The following EFCAB3 variants were observed in gnomAD, a reference collection of about 807,000 sequenced individuals.
EFCAB3 encodes EF-hand calcium-binding domain-containing protein 3.
In EFCAB3, 36 loss-of-function variants were observed where a neutral mutation model predicts 42.2. The ratio of observed to expected loss-of-function variants is 0.85; its 90% CI spans 0.65 to 1.13. The LOEUF is 1.13. Ranked by LOEUF, EFCAB3 falls within the 50% of genes most tolerant of loss-of-function variation. The probability of loss-of-function intolerance (pLI) is 0.00; values close to 1 mark genes in which losing one functional copy is unlikely to be tolerated. For missense variants in EFCAB3, 418 were observed against 505.1 expected (o/e 0.83, Z 1.65); for synonymous variants, 170 against 172.8 (o/e 0.98, Z 0.13).
intron 8 of EFCAB3, among the ~76,000 whole-genome samples, chr17:62,413,420 T>C (rs1447602352): frequency 6.6e-6 from 1 of 152,216 alleles, no homozygotes; most frequent in Non-Finnish European, 1.5e-5. Context: ...CAGATACGTT[T>C]GTAAATTGGT....
intron 8 of EFCAB3, among the ~76,000 whole-genome samples, chr17:62,410,536 T>C (rs539887814): frequency 1.3e-5 from 2 of 152,112 alleles, no homozygotes; most frequent in South Asian, 4.2e-4. Flanking sequence ...GGTGGATTGC[T>C]TGAGCCGAGG....
At chr17:62,412,765 CAAAAA>C (rs4058736) in intron 8 of EFCAB3, among the ~76,000 whole-genome samples, 1 of 140,426 alleles carries the variant, frequency 7.1e-6, no homozygotes, top group East Asian at 2.0e-4. Flanking sequence ...GACTCTGTCT[CAAAAA>C]AAAAAAAGTC....
At position 62,387,370 on chromosome 17, in the gene EFCAB3, C is replaced by T. The variant is rs750944985; in HGVS notation, c.105C>T (p.Cys35=). ...GAGACTTACCAGGATCTCTTCAATG[C>T]CAATTACAACACAAAGAAAAGAAGC... ...RDRDLPGSLQ[C]QLQHKEKKLS... Residue 35 remains cysteine, a synonymous_variant, in exon 3 of 10, where the codon TGC becomes TGT. Transcript: ENST00000305286. 1.2e-6 allele frequency: 2 copies of T among 1,611,318 alleles called. No individual in the cohort carries two copies. The highest frequency in any genetic ancestry group is 4.5e-5 in the East Asian group (2 of 44,756).
intron 3 of EFCAB3, 97 bp from the exon 4 acceptor site, chr17:62,391,725 A>T: frequency 8.0e-7 from 1 of 1,252,748 alleles, no homozygotes; most frequent in Non-Finnish European, 1.1e-6. Flanking sequence ...TTTTTAGAAC[A>T]TGATCTCCAG....
chr17:62,372,252 T>C (rs1449710067), intron 1 of EFCAB3, among the ~76,000 whole-genome samples: 2 of 152,140 alleles, frequency 1.3e-5, no homozygotes, highest in Non-Finnish European at 2.9e-5. Flanking sequence ...TTCTTCCTCT[T>C]CTCTCTTCAG....
At position 62,391,842 on chromosome 17, in the gene EFCAB3, T is replaced by C; in HGVS notation, c.172T>C (p.Phe58Leu). Reference protein sequence around the residue: ...QMAAFQDAYNFFYKDKTGCID... With the variant: ...QMAAFQDAYNLFYKDKTGCID... ...CCCAGCTTTCCAAGATGCCTACAAC[T>C]TCTTCTACAAGGACAAAACTGGCTG... The change falls in exon 4 of 10, where the codon TTC becomes CTC. Residue 58 changes from phenylalanine (F) to leucine (L), a missense_variant. By Grantham distance (22) the Phe-to-Leu change is conservative. Coordinates refer to ENST00000305286, the MANE Select transcript of EFCAB3 (RefSeq NM_173503.4). 1 of 1,613,488 alleles carries C rather than the reference T, an allele frequency of 6.2e-7. No individual in the cohort carries two copies. Among genetic ancestry groups the C allele is most frequent in the Non-Finnish European group, 8.5e-7 (1 of 1,179,616 alleles).
chr17:62,414,986 C>A (rs2070532814), intron 9 of EFCAB3, among the ~76,000 whole-genome samples: 1 of 152,020 alleles, frequency 6.6e-6, no homozygotes, highest in African/African-American at 2.4e-5. Flanking sequence ...CGCCTGTAAT[C>A]CCAGCTACTC....
At chr17:62,413,533 A>G (rs2070517686) in intron 8 of EFCAB3, among the ~76,000 whole-genome samples, 199 bp from the exon 9 acceptor site, 1 of 152,172 alleles carries the variant, frequency 6.6e-6, no homozygotes, top group African/African-American at 2.4e-5. Context: ...GGATATACAG[A>G]TATTTTTGCA....
chr17:62,385,370 C>T (rs1040827671), intron 2 of EFCAB3, among the ~76,000 whole-genome samples: 11 of 152,030 alleles, frequency 7.2e-5, no homozygotes, highest in South Asian at 2.1e-4. Flanking sequence ...TGAGCCTGGG[C>T]GGTCAAGGCT....
chr17:62,412,765 C>CAAA (rs4058736), intron 8 of EFCAB3, among the ~76,000 whole-genome samples: 2,805 of 140,446 alleles, frequency 0.02, 80 homozygotes, highest in African/African-American at 0.068. Context: ...GACTCTGTCT[C>CAAA]AAAAAAAAAA....
At chr17:62,409,136 C>A (rs768745211) in intron 8 of EFCAB3, among the ~76,000 whole-genome samples, 1 of 152,198 alleles carries the variant, frequency 6.6e-6, no homozygotes, top group African/African-American at 2.4e-5. Flanking sequence ...TGGCTCACTA[C>A]AACCTCCACT....
chr17:62,374,839 A>T (rs2070138400), intron 2 of EFCAB3, among the ~76,000 whole-genome samples: 1 of 152,190 alleles, frequency 6.6e-6, no homozygotes, highest in Admixed American at 6.5e-5. Context: ...GTTGCAGGGC[A>T]TGGTGGCTCA....
intron 2 of EFCAB3, among the ~76,000 whole-genome samples, chr17:62,386,458 TAAAAGTTGTAAAAAAAA>T (rs1365791898): frequency 3.4e-5 from 5 of 148,288 alleles, no homozygotes; most frequent in African/African-American, 7.9e-5. Flanking sequence ...AAAATAGTTG[TAAAAGTTGTAAAAAAAA>T]AAAAGTTGTA....
At chr17:62,378,707 A>T (rs187511125), upstream of EFCAB3, among the ~76,000 whole-genome samples, 596 of 150,364 alleles carry the variant, frequency 4.0e-3, 1 homozygote, top group Middle Eastern at 0.014. Context: ...TCTCTTTTTT[A>T]AAAAAAATGA....
chr17:62,371,942 G>A (rs1199359431), intron 1 of EFCAB3, among the ~76,000 whole-genome samples: 1 of 152,202 alleles, frequency 6.6e-6, no homozygotes, highest in Non-Finnish European at 1.5e-5. Context: ...TGTTGTCAGA[G>A]AGTTTCCATT....
intron 1 of EFCAB3, among the ~76,000 whole-genome samples, chr17:62,382,700 A>G (rs72845560): frequency 3.0e-3 from 451 of 152,294 alleles, no homozygotes; most frequent in Admixed American, 6.1e-3. Context: ...TTCACTTAGC[A>G]TTTATTCTTA....
intron 6 of EFCAB3, among the ~76,000 whole-genome samples, chr17:62,406,019 G>C (rs2070444233): frequency 6.8e-6 from 1 of 148,104 alleles, no homozygotes; most frequent in Non-Finnish European, 1.5e-5. Flanking sequence ...ATTCAAGCTG[G>C]TACCACTTAA....
intron 1 of EFCAB3, among the ~76,000 whole-genome samples, chr17:62,373,118 A>G (rs1462416713): frequency 6.6e-6 from 1 of 151,402 alleles, no homozygotes; most frequent in East Asian, 2.0e-4. Flanking sequence ...CCATCTCACT[A>G]AAAATAAAAA....
intron 8 of EFCAB3, among the ~76,000 whole-genome samples, chr17:62,409,848 A>G (rs1339981926): frequency 2.0e-5 from 3 of 152,082 alleles, no homozygotes; most frequent in Non-Finnish European, 4.4e-5. Flanking sequence ...CTATATGTTT[A>G]TAGTTATATA....
Sources: gnomAD v4.1 joint callset for allele counts (sites outside exome capture counted in the v4.1 genomes callset) on GRCh38, gnomAD v4.1.1 for gene constraint, MANE v1.5 for transcripts, NCBI Gene and HGNC (gene_info 2026-07-23, HGNC 2026-07-21) for gene names.